KAZN: variants seen among roughly 807,000 people sequenced by gnomAD.
KAZN encodes kazrin.
A neutral mutation model predicts 87.4 loss-of-function variants in KAZN; 40 were observed. That is an observed-to-expected ratio of 0.46 (90% CI 0.36 to 0.60). The LOEUF (loss-of-function observed/expected upper bound fraction) is 0.60, where lower values mean the gene tolerates loss of function less well. KAZN is among the 20% of genes least tolerant of loss of function. The pLI is 0.00. For missense variants in KAZN, 898 were observed against 1,073.9 expected, an observed-to-expected ratio of 0.84 and a Z score of 2.29; for synonymous variants, 466 against 458.3, an observed-to-expected ratio of 1.02 and a Z score of -0.22.
intron 2 of KAZN, among the ~76,000 whole-genome samples, chr1:14,304,229 T>C (rs1254487063): frequency 6.6e-6 from 1 of 152,234 alleles, no homozygotes; most frequent in Non-Finnish European, 1.5e-5. Flanking sequence ...CTGCAGTAGT[T>C]TGCAAAGTGC....
intron 1 of KAZN, among the ~76,000 whole-genome samples, chr1:14,173,513 G>GA (rs1347710414): frequency 1.3e-5 from 2 of 152,068 alleles, no homozygotes; most frequent in Non-Finnish European, 2.9e-5. Flanking sequence ...AATCCCAATT[G>GA]AAAAAGAGGC....
rs115629971 is a variant in KAZN at position 14,716,805 on chromosome 1, G to A, written c.226+117582G>A. ...CTCTGCAATCCCAGACATGGCTCTA[G>A]CCACCACAGTTACTGACCCACTTGG... On this transcript the variant is annotated intron_variant, in intron 1 of 14. Coordinates refer to ENST00000376030, the MANE Select transcript of KAZN (RefSeq NM_201628.3). Among the ~76,000 whole-genome samples the A allele has an allele frequency of 2.1e-3, 327 of 152,212 alleles. 1 individual carries two copies. Among genetic ancestry groups the A allele is most frequent in the African/African-American group, 7.6e-3 (315 of 41,534 alleles).
At chr1:14,840,970 G>C (rs1647900841) in intron 1 of KAZN, among the ~76,000 whole-genome samples, 1 of 152,218 alleles carries the variant, frequency 6.6e-6, no homozygotes, top group Non-Finnish European at 1.5e-5. Context: ...ATGATAGGTA[G>C]ATAGGGAAAT....
intron 1 of KAZN, among the ~76,000 whole-genome samples, chr1:14,660,539 CTCTT>C (rs1288693046): frequency 8.0e-6 from 1 of 125,436 alleles, no homozygotes; most frequent in African/African-American, 3.3e-5. Flanking sequence ...CTCTCTCTCT[CTCTT>C]TTTTTTTTTT....
At chr1:14,427,438 T>C (rs899109832) in intron 2 of KAZN, among the ~76,000 whole-genome samples, 1 of 152,214 alleles carries the variant, frequency 6.6e-6, no homozygotes, top group Non-Finnish European at 1.5e-5. Context: ...AATTGTTTTT[T>C]GTAGAAGTTA....
At chr1:14,157,898 G>A (rs780968599) in intron 1 of KAZN, among the ~76,000 whole-genome samples, 81 of 152,240 alleles carry the variant, frequency 5.3e-4, no homozygotes, top group Non-Finnish European at 1.0e-3. Context: ...GAAAGCGAAG[G>A]GGAAAGAGCC....
chr1:14,111,213 A>G lies in KAZN; in HGVS notation c.92-69222A>G, dbSNP rs1030989718. Among the ~76,000 whole-genome samples, 2 of 134,566 alleles carry G rather than the reference A, an allele frequency of 1.5e-5. 1 individual carries two copies. The highest frequency in any genetic ancestry group is 5.8e-5 in the African/African-American group (2 of 34,598). The allele number at this position is 134,566 out of a possible 152,430, so 88.3% of individuals were successfully genotyped here. On this transcript the variant is annotated intron_variant, in intron 1 of 16. Coordinates refer to the KAZN transcript ENST00000636203. ...TAGAGTTTCCACCCAGGGCCTCTGC[A>G]TCAGGGCGCCTAGCCACAGCACACA...
intron 1 of KAZN, among the ~76,000 whole-genome samples, chr1:13,975,719 C>T (rs12066448): frequency 0.041 from 6,214 of 152,186 alleles, 427 homozygotes; most frequent in African/African-American, 0.14. Flanking sequence ...GTCTCCCCTA[C>T]CAGATCATGA....
At chr1:14,136,354 T>G (rs1256572079) in intron 1 of KAZN, among the ~76,000 whole-genome samples, 1 of 152,120 alleles carries the variant, frequency 6.6e-6, no homozygotes, top group African/African-American at 2.4e-5. Flanking sequence ...GGAAAGGTGA[T>G]AGCCCTCACC....
intron 1 of KAZN, among the ~76,000 whole-genome samples, chr1:14,655,552 G>A (rs561833081): frequency 4.6e-5 from 7 of 152,274 alleles, no homozygotes; most frequent in South Asian, 4.1e-4. Context: ...ATCACCAGCC[G>A]TCAGAATTGC....
intron 1 of KAZN, among the ~76,000 whole-genome samples, chr1:14,957,159 T>C (rs529350950): frequency 1.1e-4 from 17 of 152,276 alleles, no homozygotes; most frequent in African/African-American, 4.1e-4. Flanking sequence ...CCCCAAATGT[T>C]TACCCGGAAT....
chr1:14,023,746 A>G (rs1640949638), intron 1 of KAZN, among the ~76,000 whole-genome samples: 1 of 152,134 alleles, frequency 6.6e-6, no homozygotes, highest in African/African-American at 2.4e-5. Flanking sequence ...CAGGAACCAA[A>G]CCCTCAGATG....
intron 1 of KAZN, among the ~76,000 whole-genome samples, chr1:14,601,327 T>C (rs1378460737): frequency 6.6e-5 from 10 of 152,182 alleles, no homozygotes; most frequent in Admixed American, 4.6e-4. Flanking sequence ...TTTCAACAGA[T>C]GTGATGGTTG....
At chr1:14,711,763 C>T (rs575286969) in intron 1 of KAZN, among the ~76,000 whole-genome samples, 20 of 152,286 alleles carry the variant, frequency 1.3e-4, no homozygotes, top group Admixed American at 3.9e-4. Context: ...GATCCTCTTC[C>T]GCATGGAGCC....
chr1:14,423,242 C>T (rs972577596), intron 2 of KAZN, among the ~76,000 whole-genome samples: 1 of 152,126 alleles, frequency 6.6e-6, no homozygotes, highest in Admixed American at 6.5e-5. Flanking sequence ...TGACCACAAA[C>T]CCTAGGCTGA....
At chr1:13,967,147 T>C (rs1242417533) in intron 1 of KAZN, among the ~76,000 whole-genome samples, 1 of 152,218 alleles carries the variant, frequency 6.6e-6, no homozygotes, top group Non-Finnish European at 1.5e-5. Flanking sequence ...TTGCAGTCAT[T>C]AAACTCTCAG....
chr1:14,813,016 G>A (rs1303009046), intron 1 of KAZN, among the ~76,000 whole-genome samples: 1 of 152,180 alleles, frequency 6.6e-6, no homozygotes, highest in African/African-American at 2.4e-5. Flanking sequence ...TTACTGGTTT[G>A]AAGTACTACT....
intron 2 of KAZN, among the ~76,000 whole-genome samples, chr1:14,529,560 G>C (rs531328245): frequency 1.3e-5 from 2 of 152,330 alleles, no homozygotes; most frequent in African/African-American, 4.8e-5. Context: ...GTTGGATTCA[G>C]AGCATGAGGT....
At chr1:14,845,083 G>A (rs1044933529) in intron 1 of KAZN, among the ~76,000 whole-genome samples, 2 of 152,052 alleles carry the variant, frequency 1.3e-5, no homozygotes, top group African/African-American at 4.8e-5. Context: ...TTGATGGATA[G>A]ACAGATGGCT....
Sources: allele counts gnomAD v4.1 joint callset (sites outside exome capture counted in the v4.1 genomes callset), GRCh38; gene constraint gnomAD v4.1.1; transcripts MANE v1.5; gene names NCBI Gene and HGNC (gene_info 2026-07-23, HGNC 2026-07-21).